Variants in LEKR1 observed in about 807,000 individuals in gnomAD.
LEKR1 encodes leucine, glutamate and lysine rich 1.
LEKR1 carries 59 observed loss-of-function variants against 72.4 expected under a neutral mutation model. That is an observed-to-expected ratio of 0.82 (90% CI 0.66 to 1.01). The LOEUF (loss-of-function observed/expected upper bound fraction) is 1.01. Among genes scored for constraint, LEKR1 ranks in the 50% least tolerant of loss-of-function variants. The probability of loss-of-function intolerance (pLI) is 0.00; values close to 1 mark genes in which losing one functional copy is unlikely to be tolerated. For missense variants in LEKR1, 728 were observed against 759.2 expected (o/e 0.96, Z 0.48); for synonymous variants, 257 against 263.2 (o/e 0.98, Z 0.23).
intron 12 of LEKR1, 131 bp from the exon 13 acceptor site, chr3:157,045,209 G>A: frequency 1.5e-6 from 1 of 670,444 alleles, no homozygotes. Flanking sequence ...CCATGAGGTA[G>A]AGTGTCATAG....
chr3:157,022,631 G>A (rs1209279873), intron 10 of LEKR1, among the ~76,000 whole-genome samples: 2 of 152,194 alleles, frequency 1.3e-5, no homozygotes, highest in South Asian at 2.1e-4. Flanking sequence ...GCTTTGGGAA[G>A]AGTGTTGTTA....
At chr3:156,835,499 G>A (rs1338984052) in intron 2 of LEKR1, among the ~76,000 whole-genome samples, 3 of 152,192 alleles carry the variant, frequency 2.0e-5, no homozygotes, top group East Asian at 1.9e-4. Flanking sequence ...GCTATAGGAC[G>A]AGATAGTGAT....
intron 6 of LEKR1, among the ~76,000 whole-genome samples, chr3:156,945,710 C>T (rs1726615946): frequency 1.3e-5 from 2 of 151,514 alleles, no homozygotes. Context: ...AAGAGACTGT[C>T]CTCCCCCAAC....
At chr3:156,922,162 AATT>A (rs1724256589) in intron 4 of LEKR1, among the ~76,000 whole-genome samples, 2 of 152,184 alleles carry the variant, frequency 1.3e-5, no homozygotes, top group South Asian at 4.1e-4. Context: ...GAATAGAAAT[AATT>A]ATTGTTTTTA....
chr3:156,991,095 C>A (rs1026528847), intron 7 of LEKR1, among the ~76,000 whole-genome samples: 1 of 151,844 alleles, frequency 6.6e-6, no homozygotes, highest in African/African-American at 2.4e-5. Flanking sequence ...AAAATAAAAG[C>A]AAAATTAAAA....
rs1186897191 is a variant in LEKR1 at position 156,966,067 on chromosome 3, TTAAC to T, written c.746-13123_746-13120del. ...AAATCTCACAATTTCAACCATGTAATTAACTAATGTAACTAAATAAATAATTTAA... is the reference window on the plus strand; with the variant it reads ...AAATCTCACAATTTCAACCATGTAATTAATGTAACTAAATAAATAATTTAA... On this transcript the variant is annotated intron_variant, in intron 6 of 12. Transcript: ENST00000356539. Among the ~76,000 whole-genome samples the T allele has an allele frequency of 2.0e-5, 3 of 152,076 alleles. No homozygotes were observed. In the East Asian group the frequency reaches 5.8e-4, roughly 29 times the overall value.
In LEKR1 at chr3:157,028,122, G is replaced by A; in HGVS notation, c.1388G>A (p.Gly463Asp). The change falls in exon 12 of 13, where the codon GGC becomes GAC. Residue 463 changes from glycine (G) to aspartate (D), a missense_variant. Transcript: ENST00000356539. ...LQMKISDLIT[G>D]ATRDLRQEVT... ...TTACAGATATCTGACTTAATCACAG[G>A]CGCTACAAGAGATCTAAGGCAGGAA... 4 of 1,579,788 alleles carry A rather than the reference G, an allele frequency of 2.5e-6. No homozygotes were observed. The highest frequency in any genetic ancestry group is 1.7e-4 in the Middle Eastern group (1 of 5,836).
intron 3 of LEKR1, among the ~76,000 whole-genome samples, chr3:156,911,608 T>G (rs1215279267): frequency 6.6e-6 from 1 of 152,130 alleles, no homozygotes; most frequent in Non-Finnish European, 1.5e-5. Context: ...TTTCCTAGGT[T>G]TTTTTTCTAG....
rs1720238322 is a variant in LEKR1 at position 156,887,583 on chromosome 3, A to G, written c.264-32992A>G. Among the ~76,000 whole-genome samples the G allele has an allele frequency of 2.0e-5, 3 of 152,148 alleles. No homozygotes were observed. In the South Asian group the frequency reaches 6.2e-4, roughly 32 times the overall value. ...TGAAAAATATTTTAATGATTAATTT[A>G]TACATTCTGATGTACATATTGGTGC... is the stretch of plus-strand genomic sequence containing the variant. On this transcript the variant is annotated intron_variant, in intron 3 of 12. Transcript: ENST00000356539.
Position 157,024,867 on chromosome 3 carries a change from A to G in LEKR1, c.1311A>G (p.Glu437=). The G allele has an allele frequency of 6.2e-7, 1 of 1,609,488 alleles. No homozygotes were observed. ...ETKLQLDIEK[E]KHQDVIQKYK... ...AATTGCAACTTGATATTGAAAAAGA[A>G]AAACACCAAGATGTAATCCAAAAGT... The change falls in exon 11 of 13, where the codon GAA becomes GAG. Residue 437 remains glutamate, a synonymous_variant. Coordinates refer to ENST00000356539, the MANE Select transcript of LEKR1 (RefSeq NM_001004316.3).
intron 10 of LEKR1, among the ~76,000 whole-genome samples, chr3:157,018,628 A>G (rs1256188622): frequency 1.3e-5 from 2 of 152,186 alleles, no homozygotes; most frequent in Non-Finnish European, 2.9e-5. Context: ...TTACATGAAA[A>G]AAAAACTAAA....
intron 3 of LEKR1, among the ~76,000 whole-genome samples, chr3:156,913,661 T>G (rs972188898): frequency 6.6e-6 from 1 of 152,206 alleles, no homozygotes; most frequent in African/African-American, 2.4e-5. Flanking sequence ...AAGTTGACTT[T>G]TGGAATAATG....
chr3:156,990,292 A>T (rs560750181), intron 7 of LEKR1, among the ~76,000 whole-genome samples: 11 of 152,348 alleles, frequency 7.2e-5, no homozygotes, highest in Admixed American at 5.9e-4. Context: ...CTGGAGGCAC[A>T]TGATAACAAT....
chr3:157,007,302 T>A (rs1732532549), intron 9 of LEKR1, among the ~76,000 whole-genome samples: 1 of 152,146 alleles, frequency 6.6e-6, no homozygotes, highest in African/African-American at 2.4e-5. Context: ...GCTGTTGGTG[T>A]CCCAAGGGCA....
intron 6 of LEKR1, among the ~76,000 whole-genome samples, chr3:156,976,786 G>A (rs541561209): frequency 7.6e-4 from 115 of 152,266 alleles, no homozygotes; most frequent in African/African-American, 2.6e-3. Context: ...GCAGACCTGA[G>A]TTTGAATTAT....
intron 3 of LEKR1, among the ~76,000 whole-genome samples, chr3:156,858,935 T>C (rs1026113317): frequency 6.6e-6 from 1 of 152,204 alleles, no homozygotes; most frequent in African/African-American, 2.4e-5. Flanking sequence ...CTTGGAGGAA[T>C]GTTTTTAAAT....
intron 3 of LEKR1, among the ~76,000 whole-genome samples, chr3:156,855,424 T>C (rs1349902430): frequency 1.3e-5 from 2 of 152,236 alleles, no homozygotes; most frequent in Non-Finnish European, 2.9e-5. Flanking sequence ...ATTAGACATT[T>C]ATATTGATTA....
intron 4 of LEKR1, among the ~76,000 whole-genome samples, chr3:156,926,992 G>C (rs938664694): frequency 4.0e-5 from 6 of 151,764 alleles, no homozygotes; most frequent in African/African-American, 1.4e-4. Context: ...ACTTTGAATT[G>C]TTTTATTTAT....
chr3:157,027,332 G>T (rs1466182438), intron 11 of LEKR1, among the ~76,000 whole-genome samples: 3 of 151,902 alleles, frequency 2.0e-5, no homozygotes, highest in African/African-American at 7.3e-5. Context: ...GGAAGGCATA[G>T]TATCTGGAGT....
Sources: allele counts gnomAD v4.1 joint callset (sites outside exome capture counted in the v4.1 genomes callset), GRCh38; gene constraint gnomAD v4.1.1; transcripts MANE v1.5; gene names NCBI Gene and HGNC (gene_info 2026-07-23, HGNC 2026-07-21).